OR2T1: variants seen among roughly 807,000 people sequenced by gnomAD.
OR2T1 encodes the protein olfactory receptor family 2 subfamily T member 1.
For synonymous variants in OR2T1, 186 were observed against 145.4 expected, an observed-to-expected ratio of 1.28 and a Z score of -2.01; for missense variants, 440 against 390.2, an observed-to-expected ratio of 1.13 and a Z score of -1.07.
At chr1:248,404,245 G>GGCCGCT in intron 1 of OR2T1, among the ~76,000 whole-genome samples, 7 of 150,964 alleles carry the variant, frequency 4.6e-5, no homozygotes, top group Admixed American at 2.0e-4. Flanking sequence ...AGACAGCAGA[G>GGCCGCT]ACCACTGTTT....
rs1353252656 is a variant in OR2T1, at chr1:248,406,191, G to C, written c.44G>C (p.Gly15Ala). Residue 15 changes from glycine (G) to alanine (A), a missense_variant, in exon 2 of 2, where the codon GGG (glycine) becomes GCG (alanine). Gly to Ala is a moderately conservative substitution (Grantham distance 60). Transcript: ENST00000642005. ...NTSSTDFTFM[G>A]LFNRKETSGL... is the part of the protein sequence containing the mutation. ...TCCTCTACAGACTTCACTTTCATGG[G>C]GCTGTTCAACAGAAAGGAAACCTCA... The C allele has an allele frequency of 6.2e-7, 1 of 1,613,790 alleles. No homozygotes were observed. Among genetic ancestry groups the C allele is most frequent in the Non-Finnish European group, 8.5e-7 (1 of 1,179,970 alleles).
chr1:248,404,516 A>G lies in OR2T1; in HGVS notation c.-34+1271A>G, dbSNP rs1240620581. Among the ~76,000 whole-genome samples the G allele has an allele frequency of 2.0e-5, 3 of 146,380 alleles. No individual in the cohort carries two copies. The East Asian group carries it at 6.2e-4, about 30-fold the overall frequency. On this transcript the variant is annotated intron_variant, in intron 1 of 1. Transcript: ENST00000642005. ...ATCATAAAAATGTATAAAACCTGAC[A>G]CCAAATATTCTGAATTAGCAAAATA... is the stretch of plus-strand genomic sequence containing the variant.
At position 248,403,204 on chromosome 1, in the gene OR2T1, T is replaced by G. The variant is rs1271926982; in HGVS notation, c.-75T>G. Reference sequence around the variant, plus strand: ...ACTTTAACTGCTGATGTAACTTCACTGGGAGCACCTGGGTTTACAGACCTT... The same window carrying G: ...ACTTTAACTGCTGATGTAACTTCACGGGGAGCACCTGGGTTTACAGACCTT... On this transcript the variant is annotated 5_prime_UTR_variant, in exon 1 of 2. Transcript: ENST00000642005. 2 of 152,110 alleles carry G rather than the reference T, an allele frequency of 1.3e-5. No homozygotes were observed. Among genetic ancestry groups the G allele is most frequent in the African/African-American group, 4.8e-5 (2 of 41,418 alleles). The allele number at this position is 152,110 out of a possible 1,614,324, so 9.4% of individuals were successfully genotyped here. A position where few individuals can be genotyped will look rare whatever the true frequency, so the allele number is the denominator to read the frequency against.
chr1:248,406,105 T>C lies in OR2T1; in HGVS notation c.-33-10T>C. 6.2e-7 allele frequency: 1 copy of C among 1,614,082 alleles called. No individual in the cohort carries two copies. The highest frequency in any genetic ancestry group is 8.5e-7 in the Non-Finnish European group (1 of 1,179,944). On this transcript the variant is annotated splice_polypyrimidine_tract_variant and intron_variant, in intron 1 of 1. Transcript: ENST00000642005. The stretch of plus-strand genomic sequence containing the variant: ...TACTGCCCTGGGAATGCTATCATCT[T>C]ATTTGGAAGATATTACCTTATATCG...
intron 1 of OR2T1, among the ~76,000 whole-genome samples, chr1:248,404,380 T>A (rs1048092722): frequency 2.0e-5 from 3 of 151,918 alleles, no homozygotes; most frequent in Admixed American, 6.6e-5. Flanking sequence ...GGCTGCGACA[T>A]AAACTGGAGA....
rs1197981786 is a variant in OR2T1 at position 248,406,977 on chromosome 1, A to G, written c.830A>G (p.Tyr277Cys). Residue 277 changes from tyrosine (Y) to cysteine (C), a missense_variant, in exon 2 of 2, where the codon TAC becomes TGC. Coordinates refer to ENST00000642005, the MANE Select transcript of OR2T1 (RefSeq NM_030904.2). The part of the protein sequence containing the change: ...PAQDKVLSVF[Y>C]TILTPMLNPL... ...CAGGACAAAGTCCTCTCTGTGTTTT[A>G]CACCATTCTCACACCCATGCTGAAC... The G allele has an allele frequency of 3.4e-5, 55 of 1,614,078 alleles. No homozygotes were observed. The highest frequency in any genetic ancestry group is 4.7e-5 in the Non-Finnish European group (55 of 1,179,966).
In OR2T1 at chr1:248,406,263, T is replaced by C; in HGVS notation, c.116T>C (p.Met39Thr). 1 of 1,614,154 alleles carries C rather than the reference T, an allele frequency of 6.2e-7. No homozygotes were observed. The highest frequency in any genetic ancestry group is 8.5e-7 in the Non-Finnish European group (1 of 1,180,016). ...IISIIFFTAL[M>T]ANGVMIFLIQ... ...TCTATCATCTTCTTCACCGCACTGA[T>C]GGCCAATGGGGTTATGATCTTCCTG... Residue 39 changes from methionine (M) to threonine (T), a missense_variant, in exon 2 of 2, where the codon ATG (methionine) becomes ACG (threonine). By Grantham distance (81) the Met-to-Thr change is moderately conservative. Coordinates refer to ENST00000642005, the MANE Select transcript of OR2T1 (RefSeq NM_030904.2).
At position 248,406,242 on chromosome 1, in the gene OR2T1, T is replaced by A; in HGVS notation, c.95T>A (p.Ile32Asn). Residue 32 changes from isoleucine to asparagine, a missense_variant, in exon 2 of 2, where the codon ATC becomes AAC. Ile to Asn is a moderately radical substitution (Grantham distance 149). Coordinates refer to ENST00000642005, the MANE Select transcript of OR2T1 (RefSeq NM_030904.2). ...GGTCTTATTTTTGCCATCATCTCTA[T>A]CATCTTCTTCACCGCACTGATGGCC... ...TSGLIFAIIS[I>N]IFFTALMANG... is the part of the protein sequence containing the mutation. 2 of 1,614,134 alleles carry A rather than the reference T, an allele frequency of 1.2e-6. No homozygotes were observed. The highest frequency in any genetic ancestry group is 1.7e-4 in the Middle Eastern group (1 of 6,058).
chr1:248,406,035 T>G, intron 1 of OR2T1, 80 bp from the exon 2 acceptor site: 1 of 1,612,780 alleles, frequency 6.2e-7, no homozygotes, highest in Non-Finnish European at 8.5e-7. Context: ...TTCTTCCCAC[T>G]TTTAAAAGTT....
Position 248,406,306 on chromosome 1 carries a change from C to G in OR2T1, c.159C>G (p.Arg53=), listed in dbSNP as rs771819066. ...TCTTCCTGATCCAAACAGATTTGCG[C>G]CTTCATACACCCATGTACTTCCTCC... ...VMIFLIQTDL[R]LHTPMYFLLS... is the part of the protein sequence containing the mutation. Residue 53 remains arginine, a synonymous_variant, in exon 2 of 2, where the codon CGC becomes CGG. Transcript: ENST00000642005. 6.2e-7 allele frequency: 1 copy of G among 1,614,106 alleles called. No individual in the cohort carries two copies. The highest frequency in any genetic ancestry group is 2.2e-5 in the East Asian group (1 of 44,892).
Position 248,406,159 on chromosome 1 carries a change from C to A in OR2T1, c.12C>A (p.Tyr4Ter), listed in dbSNP as rs1194126614. 1 of 1,613,958 alleles carries A rather than the reference C, an allele frequency of 6.2e-7. No individual in the cohort carries two copies. Among genetic ancestry groups the A allele is most frequent in the South Asian group, 1.1e-5 (1 of 91,086 alleles). ...CAACTGTAGGATCAATGGAAGAGTA[C>A]AACACATCCTCTACAGACTTCACTT... MEE[Y>*]NTSSTDFTFM... The change falls in exon 2 of 2, where the codon TAC becomes TAA. Residue 4 changes from tyrosine to a stop codon, truncating the protein, a stop_gained. Coordinates refer to ENST00000642005, the MANE Select transcript of OR2T1 (RefSeq NM_030904.2). LOFTEE classifies it low-confidence loss of function (END_TRUNC).
At chr1:248,404,244 A>AGGCTATTACATATAT (rs1558313968) in intron 1 of OR2T1, among the ~76,000 whole-genome samples, 1 of 151,922 alleles carries the variant, frequency 6.6e-6, no homozygotes, top group Admixed American at 6.6e-5. Context: ...CAGACAGCAG[A>AGGCTATTACATATAT]GACCACTGTT....
At chr1:248,403,987 G>A (rs1424151597) in intron 1 of OR2T1, among the ~76,000 whole-genome samples, 1 of 145,082 alleles carries the variant, frequency 6.9e-6, no homozygotes, top group Non-Finnish European at 1.5e-5. Context: ...AGGAAATTAT[G>A]AATGTATATA....
rs201499018 is a variant in OR2T1 at position 248,406,509 on chromosome 1, G to A, written c.362G>A (p.Arg121His). ...FFLLGLMAYDRYVAICNPLRY... is the reference protein window; with the variant it reads ...FFLLGLMAYDHYVAICNPLRY... ...CTGCTGGGCCTCATGGCCTATGACC[G>A]CTATGTGGCCATTTGCAACCCTCTG... The change falls in exon 2 of 2, where the codon CGC becomes CAC. Residue 121 changes from arginine to histidine, a missense_variant. Coordinates refer to ENST00000642005, the MANE Select transcript of OR2T1 (RefSeq NM_030904.2). 3.2e-5 allele frequency: 51 copies of A among 1,613,966 alleles called. 1 individual carries two copies. Among genetic ancestry groups the A allele is most frequent in the Admixed American group, 2.2e-4 (13 of 59,988 alleles).
Position 248,407,193 on chromosome 1 carries a change from G to A in OR2T1, c.*89G>A. 2 of 1,296,446 alleles carry A rather than the reference G, an allele frequency of 1.5e-6. No homozygotes were observed. The highest frequency in any genetic ancestry group is 2.3e-5 in the Admixed American group (1 of 42,746). The allele number at this position is 1,296,446 out of a possible 1,614,324, so 80.3% of individuals were successfully genotyped here. On this transcript the variant is annotated 3_prime_UTR_variant, in exon 2 of 2. Coordinates refer to ENST00000642005, the MANE Select transcript of OR2T1 (RefSeq NM_030904.2). ...CATCAAAAGATGAAGCAAAAAGGGA[G>A]GGAGTCATATGATTACAATATTGGT...
rs1159474130 is a variant in OR2T1, at chr1:248,406,535, A to G, written c.388A>G (p.Arg130Gly). 1.7e-5 allele frequency: 27 copies of G among 1,613,918 alleles called. No individual in the cohort carries two copies. Among genetic ancestry groups the G allele is most frequent in the Non-Finnish European group, 2.3e-5 (27 of 1,179,996 alleles). The change falls in exon 2 of 2, where the codon AGA becomes GGA. Residue 130 changes from arginine (R) to glycine (G), a missense_variant. By Grantham distance (125) the Arg-to-Gly change is moderately radical. Transcript: ENST00000642005. ...DRYVAICNPL[R>G]YPVLMSRRVC... ...CTATGTGGCCATTTGCAACCCTCTG[A>G]GATACCCTGTCCTCATGAGCCGCCG...
Position 248,407,742 on chromosome 1 carries a change from T to A in OR2T1, c.*638T>A, listed in dbSNP as rs1572882936. ...ATCCATGTGCCTGGAGGGTGGCATG[T>A]CCCAACTCCACAGAGGCAGAAGCTC... is the stretch of plus-strand genomic sequence containing the variant. On this transcript the variant is annotated 3_prime_UTR_variant, in exon 2 of 2. Transcript: ENST00000642005. 1 of 152,276 alleles carries A rather than the reference T, an allele frequency of 6.6e-6. No individual in the cohort carries two copies. 9.4% of individuals were successfully genotyped at this position (152,276 alleles called of 1,614,324 possible). A position where few individuals can be genotyped will look rare whatever the true frequency, so the allele number is the denominator to read the frequency against.
chr1:248,406,499 G>A lies in OR2T1; in HGVS notation c.352G>A (p.Ala118Thr). 2 of 1,614,086 alleles carry A rather than the reference G, an allele frequency of 1.2e-6. No homozygotes were observed. Among genetic ancestry groups the A allele is most frequent in the Non-Finnish European group, 1.7e-6 (2 of 1,180,010 alleles). The change falls in exon 2 of 2, where the codon GCC becomes ACC. Residue 118 changes from alanine (A) to threonine (T), a missense_variant. Coordinates refer to ENST00000642005, the MANE Select transcript of OR2T1 (RefSeq NM_030904.2). ...GAEFFLLGLM[A>T]YDRYVAICNP... is the part of the protein sequence containing the mutation. ...TGAATTCTTCCTGCTGGGCCTCATGGCCTATGACCGCTATGTGGCCATTTG... is the reference window on the plus strand; with the variant it reads ...TGAATTCTTCCTGCTGGGCCTCATGACCTATGACCGCTATGTGGCCATTTG...
chr1:248,406,358 A>C lies in OR2T1; in HGVS notation c.211A>C (p.Met71Leu). The C allele has an allele frequency of 1.2e-6, 2 of 1,614,046 alleles. No homozygotes were observed. Among genetic ancestry groups the C allele is most frequent in the South Asian group, 2.2e-5 (2 of 91,072 alleles). Residue 71 changes from methionine (M) to leucine (L), a missense_variant, in exon 2 of 2, where the codon ATG becomes CTG. Physicochemically the swap from Met to Leu is conservative, Grantham distance 15. Transcript: ENST00000642005. ...CAGCCACCTTTCCTTAATTGACATGATGTATATTTCCACTATTGTGCCTAA... is the reference window on the plus strand; with the variant it reads ...CAGCCACCTTTCCTTAATTGACATGCTGTATATTTCCACTATTGTGCCTAA... ...LLSHLSLIDM[M>L]YISTIVPKML... is the part of the protein sequence containing the mutation.
Sources: allele counts gnomAD v4.1 joint callset (sites outside exome capture counted in the v4.1 genomes callset), GRCh38; gene constraint gnomAD v4.1.1; transcripts MANE v1.5; gene names NCBI Gene and HGNC (gene_info 2026-07-23, HGNC 2026-07-21).